SBF2: variants seen among roughly 807,000 people sequenced by gnomAD.
The protein encoded by SBF2 is myotubularin-related protein 13.
In SBF2, 112 loss-of-function variants were observed where a neutral mutation model predicts 225.2. The ratio of observed to expected loss-of-function variants is 0.50; its 90% CI spans 0.43 to 0.58. The LOEUF (loss-of-function observed/expected upper bound fraction) is 0.58, where lower values mean the gene tolerates loss of function less well. Ranked by LOEUF, SBF2 falls within the 20% of genes least tolerant of loss-of-function variation. The pLI is 0.00. For synonymous variants in SBF2, 763 were observed against 773.3 expected, an observed-to-expected ratio of 0.99 and a Z score of 0.22; for missense variants, 1,996 against 2,206.2, an observed-to-expected ratio of 0.90 and a Z score of 1.91.
At chr11:10,041,322 G>T (rs1297791983) in intron 3 of SBF2, among the ~76,000 whole-genome samples, 2 of 152,122 alleles carry the variant, frequency 1.3e-5, no homozygotes, top group Non-Finnish European at 2.9e-5. Context: ...TTATCCAGGG[G>T]AGAGGAGACT....
chr11:10,159,868 C>A (rs1050296875), intron 2 of SBF2, among the ~76,000 whole-genome samples: 28 of 151,204 alleles, frequency 1.9e-4, no homozygotes, highest in South Asian at 1.5e-3. Context: ...CCAGCCTGGG[C>A]AACAGAGCAA....
At chr11:10,285,282 C>G (rs1164532881) in intron 1 of SBF2, among the ~76,000 whole-genome samples, 2 of 151,604 alleles carry the variant, frequency 1.3e-5, no homozygotes, top group East Asian at 3.9e-4. Flanking sequence ...TGCCTTCCTG[C>G]CTGGTCAACA....
intron 16 of SBF2, among the ~76,000 whole-genome samples, chr11:9,951,195 T>C (rs1035708901): frequency 6.6e-6 from 1 of 151,976 alleles, no homozygotes; most frequent in African/African-American, 2.4e-5. Context: ...ACAAAGGCAA[T>C]AGATGTGTAA....
chr11:10,031,726 A>G (rs1455514577), intron 3 of SBF2, among the ~76,000 whole-genome samples: 1 of 152,142 alleles, frequency 6.6e-6, no homozygotes, highest in Admixed American at 6.5e-5. Context: ...AACAATGCTG[A>G]TATTTTGAGA....
intron 27 of SBF2, chr11:9,829,735 A>G (rs968711081): frequency 2.1e-6 from 1 of 469,520 alleles, no homozygotes; most frequent in African/African-American, 2.0e-5. Context: ...TTATGCTTCC[A>G]GAAAGAGCCC....
intron 17 of SBF2, among the ~76,000 whole-genome samples, chr11:9,872,756 C>G (rs377158494): frequency 1.8e-4 from 28 of 152,112 alleles, no homozygotes; most frequent in East Asian, 5.8e-4. Flanking sequence ...TGGCTCACAT[C>G]TGTAATCCCG....
At chr11:9,820,483 C>T (rs551442587) in intron 28 of SBF2, among the ~76,000 whole-genome samples, 151 of 152,312 alleles carry the variant, frequency 9.9e-4, no homozygotes, top group African/African-American at 3.4e-3. Flanking sequence ...AAATTTTGAA[C>T]TTTCCTATTG....
intron 1 of SBF2, among the ~76,000 whole-genome samples, chr11:10,230,280 T>C (rs1310137764): frequency 6.6e-6 from 1 of 152,216 alleles, no homozygotes; most frequent in African/African-American, 2.4e-5. Flanking sequence ...CCAGTCTGTG[T>C]CTTTTAATTG....
intron 1 of SBF2, among the ~76,000 whole-genome samples, chr11:10,213,894 GCT>G (rs1048594290): frequency 6.6e-6 from 1 of 152,114 alleles, no homozygotes; most frequent in African/African-American, 2.4e-5. Context: ...ATCTGATGAA[GCT>G]CTGAGTTCAC....
chr11:10,294,765 G>A (rs1964425323), upstream of SBF2, among the ~76,000 whole-genome samples: 1 of 152,246 alleles, frequency 6.6e-6, no homozygotes, highest in Admixed American at 6.5e-5. Context: ...GCCGGGGGCG[G>A]TCGGCCTGGG....
At chr11:9,942,744 T>A (rs1350491736) in intron 16 of SBF2, among the ~76,000 whole-genome samples, 1 of 151,794 alleles carries the variant, frequency 6.6e-6, no homozygotes, top group South Asian at 2.1e-4. Context: ...GGTGAGAGGA[T>A]CACCTGAGCC....
intron 13 of SBF2, among the ~76,000 whole-genome samples, chr11:9,970,028 G>T (rs1342720796): frequency 6.6e-6 from 1 of 152,138 alleles, no homozygotes; most frequent in African/African-American, 2.4e-5. Flanking sequence ...AGCAGGATTA[G>T]ATCTCAAACA....
intron 17 of SBF2, among the ~76,000 whole-genome samples, chr11:9,880,916 CA>C (rs1411654766): frequency 6.6e-6 from 1 of 152,122 alleles, no homozygotes; most frequent in Non-Finnish European, 1.5e-5. Flanking sequence ...ATATGATTTT[CA>C]AATTTAAGAA....
rs1964623282 is a variant in SBF2 at position 10,303,927 on chromosome 11, G to A, written n.386+565C>T. Reference sequence around the variant, plus strand: ...TCATGAACAGGCACAAATTCTTTGGGCGGGGGCTAGGACTCTCCTTTGCCC... The same window carrying A: ...TCATGAACAGGCACAAATTCTTTGGACGGGGGCTAGGACTCTCCTTTGCCC... On this transcript the variant is annotated intron_variant and non_coding_transcript_variant, in intron 1 of 5. Transcript: ENST00000685217. This position sits in a 1 kb window ranked among gnomAD's most constrained non-coding sequence, Gnocchi z 5.2. 6.6e-6 allele frequency among the ~76,000 whole-genome samples: 1 copy of A among 152,176 alleles called. No homozygotes were observed. Among genetic ancestry groups the A allele is most frequent in the Admixed American group, 6.6e-5 (1 of 15,262 alleles).
chr11:9,843,464 C>T (rs1856310536), intron 24 of SBF2, among the ~76,000 whole-genome samples: 1 of 152,164 alleles, frequency 6.6e-6, no homozygotes, highest in South Asian at 2.1e-4. Context: ...TTTATTCAAA[C>T]AATTTAACCC....
In SBF2 at chr11:10,267,412, T is replaced by C. The variant is rs1962100833; in HGVS notation, c.55+26603A>G. Among the ~76,000 whole-genome samples the C allele has an allele frequency of 1.3e-5, 2 of 151,770 alleles. 1 individual carries two copies. The highest frequency in any genetic ancestry group is 4.2e-4 in the South Asian group (2 of 4,818). ...TAAGAACTGATAAGGGCCTAAACTA[T>C]GGCAGTGACTGTGAAAACAGAGGAA... On this transcript the variant is annotated intron_variant, in intron 1 of 39. Coordinates refer to ENST00000256190, the MANE Select transcript of SBF2 (RefSeq NM_030962.4).
At chr11:9,926,038 C>A (rs187474468) in intron 16 of SBF2, among the ~76,000 whole-genome samples, 3 of 152,294 alleles carry the variant, frequency 2.0e-5, no homozygotes, top group Non-Finnish European at 4.4e-5. Flanking sequence ...AGTCAGACAG[C>A]CTCAAAGACT....
intron 1 of SBF2, among the ~76,000 whole-genome samples, chr11:10,266,553 A>G (rs926964625): frequency 6.6e-6 from 1 of 152,198 alleles, no homozygotes; most frequent in Non-Finnish European, 1.5e-5. Context: ...AAAGTGACAT[A>G]AACATTCCTT....
chr11:9,833,460 G>A (rs989397494), intron 26 of SBF2, among the ~76,000 whole-genome samples: 49 of 135,802 alleles, frequency 3.6e-4, no homozygotes, highest in Admixed American at 2.8e-3. Flanking sequence ...TCGCTCTGTC[G>A]CCCAGGCTGG....
Sources: allele counts gnomAD v4.1 joint callset (sites outside exome capture counted in the v4.1 genomes callset), GRCh38; gene constraint gnomAD v4.1.1; non-coding constraint Gnocchi (gnomAD v3.1); transcripts MANE v1.5; gene names NCBI Gene and HGNC (gene_info 2026-07-23, HGNC 2026-07-21).